The following PRAMEF33 variants were observed in gnomAD, a reference collection of about 807,000 sequenced individuals.
PRAMEF33 encodes PRAME family member 33.
A neutral mutation model predicts 28.1 loss-of-function variants in PRAMEF33; 5 were observed. The ratio of observed to expected loss-of-function variants is 0.18; its 90% confidence interval spans 0.09 to 0.37. The LOEUF (loss-of-function observed/expected upper bound fraction) is 0.37, where lower values mean the gene tolerates loss of function less well. PRAMEF33 is among the 10% of genes least tolerant of loss of function. The pLI is 1.00. For synonymous variants in PRAMEF33, 28 were observed against 183.2 expected (o/e 0.15, Z 6.84); for missense variants, 62 against 471.1 (o/e 0.13, Z 8.04).
rs1337134542 is a variant in PRAMEF33, at chr1:13,308,817, T to C, written c.1355T>C (p.Phe452Ser). The change falls in exon 4 of 4, where the codon TTT becomes TCT. Residue 452 changes from phenylalanine to serine, a missense_variant. Phe to Ser is a radical substitution (Grantham distance 155, BLOSUM62 -2). Coordinates refer to ENST00000437300, the MANE Select transcript of PRAMEF33 (RefSeq NM_001291381.1). ...GTCAGGCAGCCCAAGAGGATCTTCT[T>C]TGGTCCCGTCCCTTGCCCTACCTGT... ...REVRQPKRIFFGPVPCPTCGS... is the reference protein window; with the variant it reads ...REVRQPKRIFSGPVPCPTCGS... The C allele has an allele frequency of 2.4e-5, 39 of 1,602,522 alleles. No individual in the cohort carries two copies. The African/African-American group carries it at 4.7e-4, about 19-fold the overall frequency.
At position 13,305,687 on chromosome 1, in the gene PRAMEF33, G is replaced by T. The variant is rs1292105872; in HGVS notation, c.-25-243G>T. Reference sequence around the variant, plus strand: ...CATTTCCCAGTGCTATGAGTTTATTGCAACAGTGGCTAATAATTCATGGAC... The same window carrying T: ...CATTTCCCAGTGCTATGAGTTTATTTCAACAGTGGCTAATAATTCATGGAC... On this transcript the variant is annotated intron_variant, in intron 1 of 3. Coordinates refer to ENST00000437300, the MANE Select transcript of PRAMEF33 (RefSeq NM_001291381.1). 730 of 505,146 alleles carry T rather than the reference G, an allele frequency of 1.4e-3. 96 individuals carry two copies. The African/African-American group carries it at 0.016, about 11-fold the overall frequency. 31.3% of individuals were successfully genotyped at this position (505,146 alleles called of 1,614,324 possible).
At position 13,308,751 on chromosome 1, in the gene PRAMEF33, T is replaced by G; in HGVS notation, c.1289T>G (p.Leu430Arg). The change falls in exon 4 of 4, where the codon CTC becomes CGC. Residue 430 changes from leucine to arginine, a missense_variant. Transcript: ENST00000437300. ...AAGGGTCATGTCAATTGGGAGATCCTCACCCCAATTCGGGCTGAGCTGATG... is the reference window on the plus strand; with the variant it reads ...AAGGGTCATGTCAATTGGGAGATCCGCACCCCAATTCGGGCTGAGCTGATG... ...DYKGHVNWEILTPIRAELMRT... is the reference protein window; with the variant it reads ...DYKGHVNWEIRTPIRAELMRT... The G allele has an allele frequency of 6.3e-7, 1 of 1,588,902 alleles. No individual in the cohort carries two copies. The highest frequency in any genetic ancestry group is 1.1e-5 in the South Asian group (1 of 89,982).
In PRAMEF33 at chr1:13,306,802, T is replaced by C. The variant is rs1639870777; in HGVS notation, c.452T>C (p.Ile151Thr). The C allele has an allele frequency of 7.1e-7, 1 of 1,406,420 alleles. No homozygotes were observed. The highest frequency in any genetic ancestry group is 9.7e-7 in the Non-Finnish European group (1 of 1,031,660). 87.1% of individuals were successfully genotyped at this position (1,406,420 alleles called of 1,614,324 possible). Residue 151 changes from isoleucine to threonine, a missense_variant, in exon 3 of 4, where the codon ATA (isoleucine) becomes ACA (threonine). Transcript: ENST00000437300. The stretch of plus-strand genomic sequence containing the variant: ...GAGCACCAGCCCTTGAAGGTGTTCA[T>C]AGACCTCTGCCTAAAGGAAAGTACA... ...MGEHQPLKVF[I>T]DLCLKESTLD...
intron 1 of PRAMEF33, chr1:13,305,712 C>CCCTA (rs1304102222): frequency 7.0e-6 from 4 of 567,754 alleles, no homozygotes; most frequent in South Asian, 2.1e-5. Context: ...AATTCATGGA[C>CCCTA]TAGGAGGGAT....
chr1:13,305,486 G>A (rs2100291226), intron 1 of PRAMEF33: 1 of 179,182 alleles, frequency 5.6e-6, no homozygotes, highest in Non-Finnish European at 1.1e-5. Flanking sequence ...AATGAGTCCG[G>A]GAAGAGGATT....
chr1:13,305,733 C>A lies in PRAMEF33; in HGVS notation c.-25-197C>A. On this transcript the variant is annotated intron_variant, in intron 1 of 3. Coordinates refer to ENST00000437300, the MANE Select transcript of PRAMEF33 (RefSeq NM_001291381.1). ...TGGACTAGGAGGGATCTTGCCTGCTCTTTAGAGGTTGGGACACACTCTTCT... is the reference window on the plus strand; with the variant it reads ...TGGACTAGGAGGGATCTTGCCTGCTATTTAGAGGTTGGGACACACTCTTCT... 7 of 577,080 alleles carry A rather than the reference C, an allele frequency of 1.2e-5. No homozygotes were observed. In the South Asian group the frequency reaches 1.5e-4, roughly 12 times the overall value. The allele number at this position is 577,080 out of a possible 1,614,324, so 35.7% of individuals were successfully genotyped here. A position where few individuals can be genotyped will look rare whatever the true frequency, so the allele number is the denominator to read the frequency against.
intron 1 of PRAMEF33, chr1:13,304,258 CCGG>C (rs1639836338): frequency 6.7e-6 from 1 of 148,696 alleles, no homozygotes; most frequent in Non-Finnish European, 1.5e-5. Flanking sequence ...TTTTAATTAG[CCGG>C]GCATGGTAGC....
rs1553122356 is a variant in PRAMEF33, at chr1:13,306,220, T to TGGCCCAGAAGGTTC, written c.268_281dup (p.Trp98PhefsTer37). Reference sequence around the variant, plus strand: ...GTCCTGAGGGGACTTGATACACTGGTGGCCCAGAAGGTTCGCCCCAGGTGA... The same window carrying TGGCCCAGAAGGTTC: ...GTCCTGAGGGGACTTGATACACTGGTGGCCCAGAAGGTTCGGCCCAGAAGGTTCGCCCCAGGTGA... On this transcript the variant is annotated frameshift_variant, in exon 2 of 4. Coordinates refer to ENST00000437300, the MANE Select transcript of PRAMEF33 (RefSeq NM_001291381.1). LOFTEE classifies it high-confidence loss of function. 7.3e-4 allele frequency: 1,067 copies of TGGCCCAGAAGGTTC among 1,453,822 alleles called. 1 individual carries two copies. In the African/African-American group the frequency reaches 0.014, roughly 19 times the overall value. 90.1% of individuals were successfully genotyped at this position (1,453,822 alleles called of 1,614,324 possible).
At chr1:13,303,991 G>A (rs1175345354) in intron 1 of PRAMEF33, 8 of 150,664 alleles carry the variant, frequency 5.3e-5, no homozygotes, top group Non-Finnish European at 7.4e-5. Context: ...GCAGTGGCAC[G>A]ATCTCAAATC....
rs2100299066 is a variant in PRAMEF33, at chr1:13,308,889, G to C, written c.*2G>C. 3.7e-6 allele frequency: 6 copies of C among 1,604,614 alleles called. No homozygotes were observed. In the South Asian group the frequency reaches 6.6e-5, roughly 18 times the overall value. On this transcript the variant is annotated 3_prime_UTR_variant, in exon 4 of 4. Transcript: ENST00000437300. Reference sequence around the variant, plus strand: ...GTGGACTTCCATCTTTGCTCCTAGGGAAGGCCTGGTTCGTGGGATGGATAA... The same window carrying C: ...GTGGACTTCCATCTTTGCTCCTAGGCAAGGCCTGGTTCGTGGGATGGATAA...
At chr1:13,308,020 G>C (rs1381244254) in intron 3 of PRAMEF33, 1 of 324,538 alleles carries the variant, frequency 3.1e-6, no homozygotes, top group Non-Finnish European at 6.1e-6. Context: ...GATGGAGGGT[G>C]AGGGACTAGG....
intron 2 of PRAMEF33, 92 bp from the exon 3 acceptor site, chr1:13,306,546 C>G (rs1427334730): frequency 1.6e-6 from 1 of 610,238 alleles, no homozygotes; most frequent in South Asian, 1.9e-5. Flanking sequence ...AGGACAGGAG[C>G]AGCTGACTGA....
At chr1:13,305,704 T>G in intron 1 of PRAMEF33, 1 of 537,386 alleles carries the variant, frequency 1.9e-6, no homozygotes, top group African/African-American at 2.3e-5. Flanking sequence ...TGGCTAATAA[T>G]TCATGGACTA....
Position 13,305,732 on chromosome 1 carries a change from T to A in PRAMEF33, c.-25-198T>A, listed in dbSNP as rs1488714472. 6.9e-6 allele frequency: 4 copies of A among 575,876 alleles called. 1 individual carries two copies. In the East Asian group the frequency reaches 8.9e-5, roughly 13 times the overall value. The allele number at this position is 575,876 out of a possible 1,614,324, so 35.7% of individuals were successfully genotyped here. On this transcript the variant is annotated intron_variant, in intron 1 of 3. Coordinates refer to ENST00000437300, the MANE Select transcript of PRAMEF33 (RefSeq NM_001291381.1). ...ATGGACTAGGAGGGATCTTGCCTGC[T>A]CTTTAGAGGTTGGGACACACTCTTC... is the stretch of plus-strand genomic sequence containing the variant.
At chr1:13,304,005 G>C (rs1639832873) in intron 1 of PRAMEF33, 1 of 150,950 alleles carries the variant, frequency 6.6e-6, no homozygotes, top group Non-Finnish European at 1.5e-5. Context: ...TCAAATCATT[G>C]CAACCTCTGC....
Position 13,308,828 on chromosome 1 carries a change from C to A in PRAMEF33, c.1366C>A (p.Pro456Thr), listed in dbSNP as rs1639902708. 3.7e-6 allele frequency: 6 copies of A among 1,604,134 alleles called. No individual in the cohort carries two copies. The Admixed American group carries it at 6.7e-5, about 18-fold the overall frequency. Residue 456 changes from proline (P) to threonine (T), a missense_variant, in exon 4 of 4, where the codon CCT (proline) becomes ACT (threonine). Transcript: ENST00000437300. Reference protein sequence around the residue: ...QPKRIFFGPVPCPTCGSWPSE... With the variant: ...QPKRIFFGPVTCPTCGSWPSE... ...CAAGAGGATCTTCTTTGGTCCCGTC[C>A]CTTGCCCTACCTGTGGCTCATGGCC...
At chr1:13,304,150 A>T (rs1639834948) in intron 1 of PRAMEF33, 1 of 150,600 alleles carries the variant, frequency 6.6e-6, no homozygotes, top group African/African-American at 2.4e-5. Flanking sequence ...TTGGTCTCAA[A>T]CTCCTGACCT....
chr1:13,305,504 T>C (rs1335768091), intron 1 of PRAMEF33: 4 of 182,060 alleles, frequency 2.2e-5, no homozygotes, highest in Non-Finnish European at 4.4e-5. Flanking sequence ...ATTACGCCTG[T>C]AATCCCAGTA....
chr1:13,304,328 A>T (rs1475469799), intron 1 of PRAMEF33: 1 of 146,554 alleles, frequency 6.8e-6, no homozygotes, highest in African/African-American at 2.7e-5. Context: ...AATTGAGCCC[A>T]GAAGATTGAG....
Sources: gnomAD v4.1 joint callset for allele counts on GRCh38, gnomAD v4.1.1 for gene constraint, MANE v1.5 for transcripts, NCBI Gene and HGNC (gene_info 2026-07-23, HGNC 2026-07-21) for gene names.